Variants in STK32B observed in about 807,000 individuals in gnomAD.
The protein encoded by STK32B is serine/threonine kinase 32B.
Under a neutral mutation model 52.6 loss-of-function variants are expected in STK32B, and 43 were observed. That is an observed-to-expected ratio of 0.82 (90% CI 0.64 to 1.05). The LOEUF (loss-of-function observed/expected upper bound fraction) is 1.05. Among genes scored for constraint, STK32B ranks in the 50% least tolerant of loss-of-function variants. The pLI, the probability that STK32B is intolerant of heterozygous loss-of-function variation, is 0.00. For synonymous variants in STK32B, 238 were observed against 204.3 expected, an observed-to-expected ratio of 1.17 and a Z score of -1.41; for missense variants, 621 against 534.6, an observed-to-expected ratio of 1.16 and a Z score of -1.59.
chr4:5,262,612 G>A (rs1262902193), intron 3 of STK32B, among the ~76,000 whole-genome samples: 11 of 145,318 alleles, frequency 7.6e-5, no homozygotes, highest in Non-Finnish European at 1.0e-4. Context: ...GCGACAGAGC[G>A]AGACTCCATC....
intron 1 of STK32B, among the ~76,000 whole-genome samples, chr4:5,112,481 T>C (rs1021653103): frequency 1.3e-5 from 2 of 152,068 alleles, no homozygotes; most frequent in African/African-American, 4.8e-5. Context: ...ATGTCCTGGC[T>C]CAAGGCAGTC....
intron 4 of STK32B, among the ~76,000 whole-genome samples, chr4:5,377,170 C>T (rs943495991): frequency 1.3e-4 from 20 of 152,152 alleles, no homozygotes; most frequent in Non-Finnish European, 2.6e-4. Flanking sequence ...TGGTATGGTG[C>T]GGTGCATCTA....
intron 4 of STK32B, among the ~76,000 whole-genome samples, chr4:5,371,704 T>C (rs982152679): frequency 1.3e-5 from 2 of 152,166 alleles, no homozygotes; most frequent in Admixed American, 6.5e-5. Context: ...AGGGTCTTTG[T>C]CAAAATTACT....
intron 4 of STK32B, among the ~76,000 whole-genome samples, chr4:5,335,682 T>C (rs946954518): frequency 1.3e-5 from 2 of 152,168 alleles, no homozygotes; most frequent in Non-Finnish European, 2.9e-5. Flanking sequence ...TGTTGTGTCT[T>C]TGTTCTCGTT....
intron 4 of STK32B, among the ~76,000 whole-genome samples, chr4:5,390,318 G>A (rs577987507): frequency 3.2e-4 from 48 of 152,304 alleles, no homozygotes; most frequent in Non-Finnish European, 5.9e-4. Context: ...TATAATGGGC[G>A]TTTGGGTAGA....
chr4:5,051,970 C>A, intron 1 of STK32B, 55 bp downstream of exon 1: 1 of 1,551,514 alleles, frequency 6.4e-7, no homozygotes, highest in Non-Finnish European at 8.7e-7. Context: ...CTTCCTCCAC[C>A]ACCCTCGGCC....
intron 2 of STK32B, among the ~76,000 whole-genome samples, chr4:5,164,569 G>T (rs1718721651): frequency 6.6e-6 from 1 of 152,234 alleles, no homozygotes; most frequent in Admixed American, 6.5e-5. Flanking sequence ...CCCAGTTCTA[G>T]AGGCTGCAAG....
At chr4:5,203,697 T>C (rs1436361431) in intron 3 of STK32B, among the ~76,000 whole-genome samples, 1 of 152,220 alleles carries the variant, frequency 6.6e-6, no homozygotes, top group Non-Finnish European at 1.5e-5. Flanking sequence ...AAGTTCTCCT[T>C]CCTAATTTTG....
intron 11 of STK32B, among the ~76,000 whole-genome samples, chr4:5,487,243 T>C (rs1382533777): frequency 2.0e-5 from 3 of 152,188 alleles, no homozygotes; most frequent in Non-Finnish European, 2.9e-5. Flanking sequence ...AGGAAAAATC[T>C]TCCCAGAATG....
intron 6 of STK32B, among the ~76,000 whole-genome samples, chr4:5,431,933 G>A (rs1203189123): frequency 6.6e-6 from 1 of 152,102 alleles, no homozygotes; most frequent in Non-Finnish European, 1.5e-5. Flanking sequence ...CAGCTTCTTG[G>A]CACACTTTAA....
At chr4:5,436,188 C>G (rs534581475) in intron 6 of STK32B, among the ~76,000 whole-genome samples, 6 of 152,252 alleles carry the variant, frequency 3.9e-5, no homozygotes, top group African/African-American at 1.2e-4. Context: ...AGGAAAGATT[C>G]CAGGATCAAG....
intron 3 of STK32B, among the ~76,000 whole-genome samples, chr4:5,316,362 ATATT>A (rs1385625593): frequency 4.0e-5 from 2 of 49,914 alleles, no homozygotes; most frequent in Non-Finnish European, 5.7e-5. Context: ...TATATTATAT[ATATT>A]ATATATATTA....
chr4:5,357,020 T>TACACACAC (rs1461369182), intron 4 of STK32B, among the ~76,000 whole-genome samples: 5 of 150,222 alleles, frequency 3.3e-5, no homozygotes, highest in African/African-American at 1.2e-4. Flanking sequence ...TATATATATA[T>TACACACAC]ATACACACAC....
chr4:5,084,798 C>G (rs1488810661), intron 1 of STK32B, among the ~76,000 whole-genome samples: 1 of 152,170 alleles, frequency 6.6e-6, no homozygotes, highest in African/African-American at 2.4e-5. Flanking sequence ...TAAACTGTCT[C>G]AGAGTGGAAC....
chr4:5,115,336 C>T (rs1714655039), intron 1 of STK32B, among the ~76,000 whole-genome samples: 2 of 152,070 alleles, frequency 1.3e-5, no homozygotes, highest in African/African-American at 2.4e-5. Flanking sequence ...GAGCCCCTGC[C>T]CTGAAAAAAA....
At chr4:5,108,916 T>C (rs944284886) in intron 1 of STK32B, among the ~76,000 whole-genome samples, 1 of 152,148 alleles carries the variant, frequency 6.6e-6, no homozygotes. Flanking sequence ...CACTCATTAG[T>C]CTTGAATAAT....
At chr4:5,139,774 C>T in intron 1 of STK32B, 131 bp from the exon 2 acceptor site, 2 of 949,896 alleles carry the variant, frequency 2.1e-6, no homozygotes, top group South Asian at 1.5e-5. Flanking sequence ...TGGACGGCTG[C>T]TCTGGCAAGT....
chr4:5,222,021 A>G (rs771593538), intron 3 of STK32B, among the ~76,000 whole-genome samples: 5 of 152,178 alleles, frequency 3.3e-5, no homozygotes, highest in Admixed American at 6.5e-5. Flanking sequence ...GCCTTCTGCT[A>G]TTTGAGGACC....
At chr4:5,290,243 GT>G in intron 3 of STK32B, among the ~76,000 whole-genome samples, 1 of 151,926 alleles carries the variant, frequency 6.6e-6, no homozygotes, top group East Asian at 1.9e-4. Context: ...ATAAATCGAC[GT>G]TAGTATACTG....
Sources: gnomAD v4.1 joint callset for allele counts (sites outside exome capture counted in the v4.1 genomes callset) on GRCh38, gnomAD v4.1.1 for gene constraint, MANE v1.5 for transcripts, NCBI Gene and HGNC (gene_info 2026-07-23, HGNC 2026-07-21) for gene names.